CNNM1: variants seen among roughly 807,000 people sequenced by gnomAD.
CNNM1 encodes metal transporter CNNM1.
CNNM1 carries 44 observed loss-of-function variants against 78.8 expected under a neutral mutation model. That is an observed-to-expected ratio of 0.56 (90% CI 0.44 to 0.72). The LOEUF (loss-of-function observed/expected upper bound fraction) is 0.72, where lower values mean the gene tolerates loss of function less well. CNNM1 is among the 30% of genes least tolerant of loss of function. CNNM1 has a pLI of 0.00. For synonymous variants in CNNM1, 584 were observed against 581.5 expected (o/e 1.00, Z -0.06); for missense variants, 1,101 against 1,292.2 (o/e 0.85, Z 2.27).
At chr10:99,350,803 C>T (rs545640700) in intron 1 of CNNM1, among the ~76,000 whole-genome samples, 69 of 152,162 alleles carry the variant, frequency 4.5e-4, no homozygotes, top group African/African-American at 1.7e-3. Flanking sequence ...CCCAACCCCA[C>T]CCCCCTAATA....
At position 99,364,410 on chromosome 10, in the gene CNNM1, T is replaced by G. The variant is rs376443328; in HGVS notation, c.2029-7T>G. 12 of 1,604,486 alleles carry G rather than the reference T, an allele frequency of 7.5e-6. No homozygotes were observed. The African/African-American group carries it at 9.4e-5, about 13-fold the overall frequency. On this transcript the variant is annotated splice_region_variant and splice_polypyrimidine_tract_variant and intron_variant, in intron 4 of 10. Coordinates refer to ENST00000356713, the MANE Select transcript of CNNM1 (RefSeq NM_020348.3). ...TTCATAGTACACTTCCTTTTTTTTT[T>G]TTCCAGGGTAAAGTGGAGGTGGAGG...
chr10:99,378,315 G>A (rs1006770455), intron 7 of CNNM1, among the ~76,000 whole-genome samples: 4 of 152,202 alleles, frequency 2.6e-5, no homozygotes, highest in Admixed American at 1.3e-4. Flanking sequence ...CTGAGATCTA[G>A]CTAGAGCCCC....
At chr10:99,356,562 C>CAGAAAGAAAGAAAAGAAAGAA (rs55778106) in intron 1 of CNNM1, among the ~76,000 whole-genome samples, 2 of 98,444 alleles carry the variant, frequency 2.0e-5, no homozygotes, top group Non-Finnish European at 4.2e-5. Context: ...GACAGACAGA[C>CAGAAAGAAAGAAAAGAAAGAA]AGAAAGAAAG....
At chr10:99,339,840 C>T (rs560429668) in intron 1 of CNNM1, among the ~76,000 whole-genome samples, 10 of 152,278 alleles carry the variant, frequency 6.6e-5, no homozygotes, top group Admixed American at 2.0e-4. Context: ...AAATGCTGAC[C>T]GTAGCTATTT....
intron 6 of CNNM1, among the ~76,000 whole-genome samples, chr10:99,372,166 T>G (rs963178093): frequency 2.6e-5 from 4 of 152,014 alleles, no homozygotes; most frequent in East Asian, 1.9e-4. Context: ...GGAGAGGAGA[T>G]TCCATCCAGC....
At chr10:99,343,346 A>C (rs2030540426) in intron 1 of CNNM1, among the ~76,000 whole-genome samples, 1 of 152,196 alleles carries the variant, frequency 6.6e-6, no homozygotes, top group East Asian at 1.9e-4. Context: ...GTAGTTGCAA[A>C]GGCGTTATGT....
chr10:99,330,221 G>C lies in CNNM1; in HGVS notation c.834G>C (p.Arg278Ser), dbSNP rs776871459. 26 of 1,521,064 alleles carry C rather than the reference G, an allele frequency of 1.7e-5. No individual in the cohort carries two copies. Among genetic ancestry groups the C allele is most frequent in the Non-Finnish European group, 2.1e-5 (24 of 1,137,870 alleles). 94.2% of individuals were successfully genotyped at this position (1,521,064 alleles called of 1,614,324 possible). ...QARRVQAVRG[R>S]GTHLLCTLLL... ...GCCGCGTGCAGGCCGTTCGCGGCAG[G>C]GGGACCCATCTGCTCTGCACCCTAC... The change falls in exon 1 of 11, where the codon AGG becomes AGC. Residue 278 changes from arginine to serine, a missense_variant. Arg to Ser is a moderately radical substitution (Grantham distance 110, BLOSUM62 -1). Coordinates refer to ENST00000356713, the MANE Select transcript of CNNM1 (RefSeq NM_020348.3).
At chr10:99,355,536 A>G (rs1353286108) in intron 1 of CNNM1, among the ~76,000 whole-genome samples, 1 of 152,208 alleles carries the variant, frequency 6.6e-6, no homozygotes, top group Non-Finnish European at 1.5e-5. Flanking sequence ...TCTCTGAGCC[A>G]AGGGAAAGAA....
At chr10:99,372,209 C>A (rs1334621923) in intron 6 of CNNM1, among the ~76,000 whole-genome samples, 1 of 152,180 alleles carries the variant, frequency 6.6e-6, no homozygotes, top group Non-Finnish European at 1.5e-5. Flanking sequence ...CTTCCATACC[C>A]TTTGCCACCC....
intron 6 of CNNM1, among the ~76,000 whole-genome samples, chr10:99,370,090 T>C (rs564527604): frequency 6.6e-6 from 1 of 152,326 alleles, no homozygotes; most frequent in South Asian, 2.1e-4. Context: ...TTCTAGTTCA[T>C]CTGTATTGAT....
intron 1 of CNNM1, among the ~76,000 whole-genome samples, chr10:99,353,401 C>T (rs574500722): frequency 1.2e-4 from 18 of 152,274 alleles, no homozygotes; most frequent in African/African-American, 4.1e-4. Context: ...CTAGAGTGTG[C>T]ATAGCAACAG....
At position 99,341,920 on chromosome 10, in the gene CNNM1, T is replaced by C. The variant is rs555447781; in HGVS notation, c.1573+10960T>C. ...TTCTAAATATAACTTAATCTTTTCTTGATGACGCAGGATCATGATCATGAG... is the reference window on the plus strand; with the variant it reads ...TTCTAAATATAACTTAATCTTTTCTCGATGACGCAGGATCATGATCATGAG... On this transcript the variant is annotated intron_variant, in intron 1 of 10. Coordinates refer to ENST00000356713, the MANE Select transcript of CNNM1 (RefSeq NM_020348.3). Among the ~76,000 whole-genome samples, 136 of 152,362 alleles carry C rather than the reference T, an allele frequency of 8.9e-4. No individual in the cohort carries two copies. The Middle Eastern group carries it at 0.01, about 11-fold the overall frequency.
Position 99,330,184 on chromosome 10 carries a change from A to G in CNNM1, c.797A>G (p.Gln266Arg). 1 of 1,515,604 alleles carries G rather than the reference A, an allele frequency of 6.6e-7. No homozygotes were observed. Among genetic ancestry groups the G allele is most frequent in the Non-Finnish European group, 8.8e-7 (1 of 1,136,974 alleles). The allele number at this position is 1,515,604 out of a possible 1,614,324, so 93.9% of individuals were successfully genotyped here. The part of the protein sequence containing the change: ...VLRNSGSAAE[Q>R]EQARRVQAVR... ...CGGAACAGCGGCTCGGCCGCCGAGC[A>G]GGAGCAGGCGCGCCGCGTGCAGGCC... The change falls in exon 1 of 11, where the codon CAG (glutamine) becomes CGG (arginine). Residue 266 changes from glutamine (Q) to arginine (R), a missense_variant. Gln to Arg is a conservative substitution (Grantham distance 43, BLOSUM62 1). Transcript: ENST00000356713.
rs1371056169 is a variant in CNNM1, at chr10:99,330,130, C to A, written c.743C>A (p.Ser248Ter). The change falls in exon 1 of 11, where the codon TCG (serine) becomes TAG (stop). Residue 248 changes from serine to a stop codon, truncating the protein, a stop_gained. Transcript: ENST00000356713. LOFTEE classifies it high-confidence loss of function. ...LFSGLRLSLL[S>*]LDPVELRVLR... ...AGCGGCCTGCGCCTGAGCCTGCTGTCGCTGGACCCGGTGGAGTTACGGGTG... is the reference window on the plus strand; with the variant it reads ...AGCGGCCTGCGCCTGAGCCTGCTGTAGCTGGACCCGGTGGAGTTACGGGTG... 1.3e-6 allele frequency: 2 copies of A among 1,548,592 alleles called. No individual in the cohort carries two copies. The highest frequency in any genetic ancestry group is 1.7e-6 in the Non-Finnish European group (2 of 1,154,054).
At chr10:99,352,976 G>T (rs1490135537) in intron 1 of CNNM1, among the ~76,000 whole-genome samples, 1 of 151,560 alleles carries the variant, frequency 6.6e-6, no homozygotes, top group Non-Finnish European at 1.5e-5. Context: ...TTATATGTAG[G>T]TGCTTGATCC....
At chr10:99,365,357 A>G (rs2031579865) in intron 6 of CNNM1, among the ~76,000 whole-genome samples, 1 of 152,244 alleles carries the variant, frequency 6.6e-6, no homozygotes, top group Non-Finnish European at 1.5e-5. Context: ...CAATTCACCC[A>G]TGGCCTTTAC....
intron 1 of CNNM1, among the ~76,000 whole-genome samples, chr10:99,341,696 C>T (rs937531170): frequency 5.3e-5 from 8 of 152,086 alleles, no homozygotes; most frequent in African/African-American, 1.9e-4. Context: ...GAGAGGGAGC[C>T]GACACTGTGT....
chr10:99,373,790 G>C (rs571825576), intron 6 of CNNM1, among the ~76,000 whole-genome samples: 2 of 152,226 alleles, frequency 1.3e-5, no homozygotes, highest in Non-Finnish European at 2.9e-5. Flanking sequence ...CCACTTACAA[G>C]GGAAATAATG....
intron 1 of CNNM1, among the ~76,000 whole-genome samples, chr10:99,338,498 C>T (rs1309692057): frequency 6.6e-6 from 1 of 151,908 alleles, no homozygotes; most frequent in Non-Finnish European, 1.5e-5. Flanking sequence ...GGGGTGGTCT[C>T]GAACTCCTGA....
Sources: allele counts gnomAD v4.1 joint callset (sites outside exome capture counted in the v4.1 genomes callset), GRCh38; gene constraint gnomAD v4.1.1; transcripts MANE v1.5; gene names NCBI Gene and HGNC (gene_info 2026-07-23, HGNC 2026-07-21).